The following SCFD2 variants were observed in gnomAD, a reference collection of about 807,000 sequenced individuals.
SCFD2 encodes sec1 family domain containing 2.
SCFD2 carries 54 observed loss-of-function variants against 58.9 expected under a neutral mutation model. The ratio of observed to expected loss-of-function variants is 0.92; its 90% CI spans 0.74 to 1.15. The LOEUF (loss-of-function observed/expected upper bound fraction) is 1.15. SCFD2 is among the 50% of genes most tolerant of loss of function. The pLI is 0.00. For synonymous variants in SCFD2, 321 were observed against 335.9 expected, an observed-to-expected ratio of 0.96 and a Z score of 0.49; for missense variants, 805 against 836.6, an observed-to-expected ratio of 0.96 and a Z score of 0.47.
At chr4:53,042,697 T>G in intron 5 of SCFD2, among the ~76,000 whole-genome samples, 1 of 141,302 alleles carries the variant, frequency 7.1e-6, no homozygotes. Flanking sequence ...CAACCTATTT[T>G]TTTTGTTTTT....
At chr4:53,312,152 C>T (rs907523643) in intron 3 of SCFD2, among the ~76,000 whole-genome samples, 4 of 152,102 alleles carry the variant, frequency 2.6e-5, no homozygotes, top group African/African-American at 9.7e-5. Flanking sequence ...ATTTGAGACC[C>T]ACTCTAAGGG....
intron 2 of SCFD2, among the ~76,000 whole-genome samples, chr4:53,343,010 AG>A (rs1733933515): frequency 6.6e-6 from 1 of 152,232 alleles, no homozygotes; most frequent in Admixed American, 6.5e-5. Context: ...AAAGCAGGAA[AG>A]ATCTAAAATT....
intron 4 of SCFD2, among the ~76,000 whole-genome samples, chr4:53,221,272 A>C (rs1456067649): frequency 6.6e-6 from 1 of 152,192 alleles, no homozygotes; most frequent in Admixed American, 6.5e-5. Context: ...CAAATAAAGG[A>C]ATAATAATAA....
intron 5 of SCFD2, among the ~76,000 whole-genome samples, chr4:52,924,116 C>T (rs940988184): frequency 3.3e-5 from 5 of 152,194 alleles, no homozygotes; most frequent in South Asian, 4.1e-4. Flanking sequence ...TAAAGTAATT[C>T]GTTTTCTATA....
At chr4:53,344,762 A>G (rs1734003535) in intron 2 of SCFD2, among the ~76,000 whole-genome samples, 1 of 152,130 alleles carries the variant, frequency 6.6e-6, no homozygotes, top group Admixed American at 6.5e-5. Context: ...ATATAGACCA[A>G]TGGAACAGAA....
intron 5 of SCFD2, among the ~76,000 whole-genome samples, chr4:52,972,442 G>T (rs972379118): frequency 3.9e-5 from 6 of 152,072 alleles, no homozygotes; most frequent in African/African-American, 9.7e-5. Context: ...AATGGTAAAG[G>T]GATCAATGCA....
chr4:52,952,723 G>C (rs1014900803), intron 5 of SCFD2, among the ~76,000 whole-genome samples: 1 of 152,170 alleles, frequency 6.6e-6, no homozygotes, highest in African/African-American at 2.4e-5. Flanking sequence ...GAACAGAAAG[G>C]TTTACAGCAT....
intron 3 of SCFD2, among the ~76,000 whole-genome samples, chr4:53,286,093 G>A (rs1324316305): frequency 6.6e-6 from 1 of 152,094 alleles, no homozygotes; most frequent in Non-Finnish European, 1.5e-5. Context: ...CACGTACACA[G>A]AAGCAGACCA....
At chr4:52,925,625 T>C (rs892582565) in intron 5 of SCFD2, among the ~76,000 whole-genome samples, 1 of 152,164 alleles carries the variant, frequency 6.6e-6, no homozygotes, top group African/African-American at 2.4e-5. Context: ...AATAAGCCCC[T>C]GACAGGCTGT....
chr4:53,352,777 A>C lies in SCFD2; in HGVS notation c.839-11T>G. 1 of 1,602,492 alleles carries C rather than the reference A, an allele frequency of 6.2e-7. No homozygotes were observed. Among genetic ancestry groups the C allele is most frequent in the Non-Finnish European group, 8.5e-7 (1 of 1,170,902 alleles). The stretch of plus-strand genomic sequence containing the variant: ...GATGTCCAACTGCTCCTGTTTAAGC[A>C]GACAAGATGATGTAAATTCATAAAA... On this transcript the variant is annotated splice_polypyrimidine_tract_variant and intron_variant, in intron 1 of 8. Coordinates refer to ENST00000401642, the MANE Select transcript of SCFD2 (RefSeq NM_152540.4).
At chr4:52,965,928 C>G (rs1358437277) in intron 5 of SCFD2, among the ~76,000 whole-genome samples, 1 of 152,176 alleles carries the variant, frequency 6.6e-6, no homozygotes, top group African/African-American at 2.4e-5. Context: ...TATTGTAATT[C>G]AAACAACATG....
chr4:53,302,568 A>C (rs952647122), intron 3 of SCFD2, among the ~76,000 whole-genome samples: 2 of 152,298 alleles, frequency 1.3e-5, no homozygotes, highest in African/African-American at 4.8e-5. Context: ...TCAAGCTACC[A>C]ATGCCTTTCT....
chr4:53,256,571 C>G (rs1030457806), intron 4 of SCFD2, among the ~76,000 whole-genome samples: 13 of 152,118 alleles, frequency 8.5e-5, no homozygotes, highest in Non-Finnish European at 1.9e-4. Context: ...CGCCACTGCA[C>G]TCCAGCCTGG....
intron 3 of SCFD2, among the ~76,000 whole-genome samples, chr4:53,299,069 C>T (rs1433744233): frequency 6.6e-6 from 1 of 152,160 alleles, no homozygotes; most frequent in Non-Finnish European, 1.5e-5. Flanking sequence ...CAGCTCCTCA[C>T]CAGCAATGGA....
chr4:53,253,070 T>C lies in SCFD2; in HGVS notation c.1311+20756A>G, dbSNP rs1730459575. Among the ~76,000 whole-genome samples the C allele has an allele frequency of 5.9e-5, 9 of 151,536 alleles. No homozygotes were observed. The South Asian group carries it at 1.7e-3, about 28-fold the overall frequency. Reference sequence around the variant, plus strand: ...AAAAACAAACAACCCCACCAAAAAGTGGAAAAAGGATATGAACAGACACTT... The same window carrying C: ...AAAAACAAACAACCCCACCAAAAAGCGGAAAAAGGATATGAACAGACACTT... On this transcript the variant is annotated intron_variant, in intron 4 of 8. Transcript: ENST00000401642.
chr4:52,927,408 G>A (rs1719889169), intron 5 of SCFD2, among the ~76,000 whole-genome samples: 1 of 151,912 alleles, frequency 6.6e-6, no homozygotes, highest in African/African-American at 2.4e-5. Context: ...CATTTAAAGT[G>A]GAACCAGAAG....
At chr4:53,080,993 A>T (rs1724131136) in intron 5 of SCFD2, among the ~76,000 whole-genome samples, 2 of 152,194 alleles carry the variant, frequency 1.3e-5, no homozygotes, top group South Asian at 2.1e-4. Flanking sequence ...GATGAAATAC[A>T]TTAAGTATAT....
chr4:53,072,579 G>A (rs1042564174), intron 5 of SCFD2, among the ~76,000 whole-genome samples: 1 of 151,988 alleles, frequency 6.6e-6, no homozygotes, highest in African/African-American at 2.4e-5. Context: ...AAGATTAGGG[G>A]GGGGAAAGCC....
At chr4:53,331,151 A>G (rs1023811094) in intron 2 of SCFD2, among the ~76,000 whole-genome samples, 2 of 151,986 alleles carry the variant, frequency 1.3e-5, no homozygotes, top group African/African-American at 4.8e-5. Context: ...ATAATGGGAG[A>G]CTGTAACACC....
Sources: gnomAD v4.1 joint callset for allele counts (sites outside exome capture counted in the v4.1 genomes callset) on GRCh38, gnomAD v4.1.1 for gene constraint, MANE v1.5 for transcripts, NCBI Gene and HGNC (gene_info 2026-07-23, HGNC 2026-07-21) for gene names.